The following MVB12B variants were observed in gnomAD, a reference collection of about 807,000 sequenced individuals.
The protein encoded by MVB12B is multivesicular body subunit 12B.
In MVB12B, 16 loss-of-function variants were observed where a neutral mutation model predicts 41.6. That is an observed-to-expected ratio of 0.38 (90% CI 0.26 to 0.58). MVB12B has a LOEUF of 0.58. Ranked by LOEUF, MVB12B falls within the 20% of genes least tolerant of loss-of-function variation. MVB12B has a pLI of 0.62. For missense variants in MVB12B, 274 were observed against 380.2 expected (o/e 0.72, Z 2.32); for synonymous variants, 133 against 139.7 (o/e 0.95, Z 0.34).
intron 2 of MVB12B, among the ~76,000 whole-genome samples, chr9:126,364,413 C>T (rs1230456842): frequency 1.3e-5 from 2 of 152,144 alleles, no homozygotes; most frequent in South Asian, 4.2e-4. Context: ...AGCAAGAAGC[C>T]CAGAGCCAGG....
At chr9:126,354,317 T>C (rs1265930786) in intron 2 of MVB12B, among the ~76,000 whole-genome samples, 2 of 152,250 alleles carry the variant, frequency 1.3e-5, no homozygotes, top group African/African-American at 4.8e-5. Flanking sequence ...TTTGTTCCTC[T>C]TATCAAAGTT....
intron 6 of MVB12B, among the ~76,000 whole-genome samples, chr9:126,418,287 C>G (rs1831885390): frequency 6.6e-6 from 1 of 152,142 alleles, no homozygotes; most frequent in Non-Finnish European, 1.5e-5. Flanking sequence ...AAGTTTGGTC[C>G]CGGACATCAG....
chr9:126,464,029 T>G (rs1833143347), intron 7 of MVB12B, among the ~76,000 whole-genome samples: 1 of 152,162 alleles, frequency 6.6e-6, no homozygotes, highest in Non-Finnish European at 1.5e-5. Flanking sequence ...GCAGCTTTCT[T>G]CTGGGCACAC....
Position 126,391,642 on chromosome 9 carries a change from C to T in MVB12B, c.410-424C>T, listed in dbSNP as rs909209411. ...TGTGCACAGCATTGACACTGGGTGA[C>T]GGGAACACGTGGATTCATTCCACTG... is the stretch of plus-strand genomic sequence containing the variant. On this transcript the variant is annotated intron_variant, in intron 4 of 9. Coordinates refer to ENST00000361171, the MANE Select transcript of MVB12B (RefSeq NM_033446.3). This position sits in a 1 kb window ranked among gnomAD's most constrained non-coding sequence, Gnocchi z 4.4. Among the ~76,000 whole-genome samples the T allele has an allele frequency of 2.6e-5, 4 of 152,156 alleles. No homozygotes were observed. Among genetic ancestry groups the T allele is most frequent in the Admixed American group, 2.0e-4 (3 of 15,278 alleles).
Position 126,504,085 on chromosome 9 carries a change from G to A in MVB12B, c.*822G>A, listed in dbSNP as rs576080526. 1.3e-5 allele frequency: 2 copies of A among 152,472 alleles called. No homozygotes were observed. The highest frequency in any genetic ancestry group is 3.9e-4 in the East Asian group (2 of 5,178). The allele number at this position is 152,472 out of a possible 1,614,324, so 9.4% of individuals were successfully genotyped here. On this transcript the variant is annotated 3_prime_UTR_variant, in exon 10 of 10. Coordinates refer to ENST00000361171, the MANE Select transcript of MVB12B (RefSeq NM_033446.3). The stretch of plus-strand genomic sequence containing the variant: ...CCGTGCCCTGACCCGGGGACCACAG[G>A]GACACCCTCTGAGACGTGCTGGCCC...
At chr9:126,492,240 T>C (rs1833748500) in intron 9 of MVB12B, among the ~76,000 whole-genome samples, 1 of 149,592 alleles carries the variant, frequency 6.7e-6, no homozygotes, top group Non-Finnish European at 1.5e-5. Context: ...GCCTTACCCT[T>C]TTTAATGACT....
intron 7 of MVB12B, among the ~76,000 whole-genome samples, chr9:126,470,432 C>T (rs1027682563): frequency 6.6e-6 from 1 of 152,166 alleles, no homozygotes; most frequent in Non-Finnish European, 1.5e-5. Flanking sequence ...TCTGTGCTCC[C>T]ATAGCTTTCA....
At chr9:126,456,843 G>A (rs1832993718) in intron 7 of MVB12B, among the ~76,000 whole-genome samples, 2 of 140,058 alleles carry the variant, frequency 1.4e-5, no homozygotes, top group East Asian at 2.1e-4. Flanking sequence ...TGCTGATAGC[G>A]CCCCTGTTTA....
intron 6 of MVB12B, chr9:126,396,369 C>T (rs1204583621): frequency 4.1e-6 from 4 of 985,398 alleles, no homozygotes; most frequent in Non-Finnish European, 4.8e-6. Flanking sequence ...AAGGAACAAA[C>T]AGCACTGATG....
chr9:126,397,201 T>C, intron 6 of MVB12B: 2 of 985,512 alleles, frequency 2.0e-6, no homozygotes, highest in Non-Finnish European at 2.4e-6. Context: ...TCATGTGGTC[T>C]AGAAGGGCCC....
rs1033985095 is a variant in MVB12B at position 126,395,405 on chromosome 9, A to G, written c.540-170A>G. 6.6e-6 allele frequency among the ~76,000 whole-genome samples: 1 copy of G among 152,216 alleles called. No individual in the cohort carries two copies. The highest frequency in any genetic ancestry group is 1.5e-5 in the Non-Finnish European group (1 of 68,034). On this transcript the variant is annotated intron_variant, in intron 5 of 9. Coordinates refer to ENST00000361171, the MANE Select transcript of MVB12B (RefSeq NM_033446.3). This position sits in a 1 kb window ranked among gnomAD's most constrained non-coding sequence, Gnocchi z 4.9. ...GGAACGGGTCACCCTCGTGTGAACT[A>G]TGACACCCAGAGCACAAAGGAGACG... is the stretch of plus-strand genomic sequence containing the variant.
At chr9:126,490,361 G>T (rs1833707110) in intron 9 of MVB12B, among the ~76,000 whole-genome samples, 1 of 152,164 alleles carries the variant, frequency 6.6e-6, no homozygotes, top group Admixed American at 6.5e-5. Flanking sequence ...TAGGTTTCAT[G>T]CTGTGTGCTT....
At chr9:126,357,180 T>C (rs1829904068) in intron 2 of MVB12B, among the ~76,000 whole-genome samples, 2 of 152,226 alleles carry the variant, frequency 1.3e-5, no homozygotes, top group Admixed American at 6.5e-5. Context: ...GATTCATTCA[T>C]ATTGTTGAGT....
intron 6 of MVB12B, among the ~76,000 whole-genome samples, chr9:126,401,929 G>A (rs1300721617): frequency 6.6e-6 from 1 of 152,214 alleles, no homozygotes; most frequent in Non-Finnish European, 1.5e-5. Flanking sequence ...TTGTAAGATG[G>A]CCCTTGTACC....
chr9:126,349,943 G>C (rs891399324), intron 2 of MVB12B, among the ~76,000 whole-genome samples: 1 of 152,146 alleles, frequency 6.6e-6, no homozygotes, highest in African/African-American at 2.4e-5. Flanking sequence ...CTACTTTTTG[G>C]TGTAGCTGTA....
At chr9:126,369,568 T>C (rs984261321) in intron 2 of MVB12B, among the ~76,000 whole-genome samples, 1 of 152,228 alleles carries the variant, frequency 6.6e-6, no homozygotes, top group Admixed American at 6.5e-5. Flanking sequence ...CTAGGTATCT[T>C]TCCATGTTTT....
Position 126,364,713 on chromosome 9 carries a change from G to A in MVB12B, c.205-16351G>A, listed in dbSNP as rs554638122. ...ACCCACCTTGAGGTTAATTGATTTG[G>A]CTTGATAGAAAAACTCCTCCCTTCT... On this transcript the variant is annotated intron_variant, in intron 2 of 9. Coordinates refer to ENST00000361171, the MANE Select transcript of MVB12B (RefSeq NM_033446.3). 7.2e-5 allele frequency among the ~76,000 whole-genome samples: 11 copies of A among 152,214 alleles called. No individual in the cohort carries two copies. The South Asian group carries it at 2.3e-3, about 32-fold the overall frequency.
intron 2 of MVB12B, among the ~76,000 whole-genome samples, chr9:126,348,868 GACATTAATACAGT>G (rs1251723248): frequency 6.6e-6 from 1 of 152,186 alleles, no homozygotes; most frequent in Admixed American, 6.5e-5. Context: ...CCAGGATACT[GACATTAATACAGT>G]ACATTAATAC....
chr9:126,385,222 T>C (rs1830747212), intron 3 of MVB12B, among the ~76,000 whole-genome samples: 1 of 152,198 alleles, frequency 6.6e-6, no homozygotes, highest in African/African-American at 2.4e-5. Context: ...ACTGAGCACC[T>C]GCTGTGTGGC....
Sources: gnomAD v4.1 joint callset for allele counts (sites outside exome capture counted in the v4.1 genomes callset) on GRCh38, gnomAD v4.1.1 for gene constraint, Gnocchi (gnomAD v3.1) non-coding constraint, MANE v1.5 for transcripts, NCBI Gene and HGNC (gene_info 2026-07-23, HGNC 2026-07-21) for gene names.